Variants in PIK3C2G observed in about 807,000 individuals in gnomAD.
PIK3C2G encodes the protein phosphatidylinositol-4-phosphate 3-kinase catalytic subunit type 2 gamma.
In PIK3C2G, 168 loss-of-function variants were observed where a neutral mutation model predicts 181.1. That is an observed-to-expected ratio of 0.93 (90% CI 0.82 to 1.05). The LOEUF is 1.05. PIK3C2G is among the 50% of genes least tolerant of loss of function. The pLI is 0.00. For missense variants in PIK3C2G, 1,869 were observed against 1,732.8 expected, an observed-to-expected ratio of 1.08 and a Z score of -1.40; for synonymous variants, 573 against 592.2, an observed-to-expected ratio of 0.97 and a Z score of 0.47.
chr12:18,687,018 T>C, the PIK3C2G span, among the ~76,000 whole-genome samples: 2 of 152,052 alleles, frequency 1.3e-5, no homozygotes, highest in Non-Finnish European at 2.9e-5. Flanking sequence ...GAACAAGAGA[T>C]AGATTATTAT....
intron 11 of PIK3C2G, among the ~76,000 whole-genome samples, chr12:18,362,003 G>C (rs537939619): frequency 6.6e-6 from 1 of 151,872 alleles, no homozygotes; most frequent in Non-Finnish European, 1.5e-5. Context: ...CAGTCTCCAG[G>C]CATCTAGGGT....
At chr12:18,409,232 T>G (rs954753770) in intron 16 of PIK3C2G, among the ~76,000 whole-genome samples, 2 of 152,016 alleles carry the variant, frequency 1.3e-5, no homozygotes, top group African/African-American at 4.8e-5. Flanking sequence ...AAAGGATGAG[T>G]TCATGTCCTT....
At chr12:18,369,107 A>G (rs565007234) in intron 12 of PIK3C2G, among the ~76,000 whole-genome samples, 3 of 152,210 alleles carry the variant, frequency 2.0e-5, no homozygotes, top group African/African-American at 7.2e-5. Context: ...ACTGGGAATG[A>G]CAAGGCCAGT....
intron 26 of PIK3C2G, among the ~76,000 whole-genome samples, chr12:18,546,947 C>A (rs1022360045): frequency 2.0e-5 from 3 of 151,944 alleles, no homozygotes; most frequent in African/African-American, 7.2e-5. Flanking sequence ...TATCAGACCC[C>A]AAATCTGGTC....
At chr12:18,261,467 A>G (rs1036473117), upstream of PIK3C2G, 12 of 152,114 alleles carry the variant, frequency 7.9e-5, no homozygotes, top group Admixed American at 7.9e-4. Flanking sequence ...AAAAGCTTCC[A>G]GTGGAAGCAT....
intron 25 of PIK3C2G, among the ~76,000 whole-genome samples, chr12:18,540,347 A>T (rs865924140): frequency 5.9e-5 from 9 of 151,952 alleles, no homozygotes; most frequent in Non-Finnish European, 1.0e-4. Flanking sequence ...GATATTTCAA[A>T]AATAAACCCA....
At chr12:18,504,537 C>G (rs771727506) in intron 23 of PIK3C2G, among the ~76,000 whole-genome samples, 3 of 152,146 alleles carry the variant, frequency 2.0e-5, no homozygotes, top group Non-Finnish European at 2.9e-5. Context: ...ACCTAGCCTT[C>G]ACTACATCAA....
intron 8 of PIK3C2G, among the ~76,000 whole-genome samples, chr12:18,332,559 G>C (rs1938089013): frequency 6.6e-6 from 1 of 152,070 alleles, no homozygotes. Context: ...GGGTATCCAG[G>C]TAAGATCTTG....
At position 18,271,083 on chromosome 12, in the gene PIK3C2G, T is replaced by C. The variant is rs529835879; in HGVS notation, c.-79+9506T>C. 3.3e-4 allele frequency among the ~76,000 whole-genome samples: 51 copies of C among 152,264 alleles called. 2 individuals carry two copies. The South Asian group carries it at 0.011, about 32-fold the overall frequency. ...CTAGTGGAAGCTGTTCATAGTCCCATGCCCCTCATACCAAGGAATAGGAGA... is the reference window on the plus strand; with the variant it reads ...CTAGTGGAAGCTGTTCATAGTCCCACGCCCCTCATACCAAGGAATAGGAGA... On this transcript the variant is annotated intron_variant, in intron 1 of 32. Coordinates refer to ENST00000538779, the MANE Select transcript of PIK3C2G (RefSeq NM_001288772.2).
intron 29 of PIK3C2G, among the ~76,000 whole-genome samples, chr12:18,590,122 T>G (rs1177434487): frequency 6.6e-6 from 1 of 151,738 alleles, no homozygotes; most frequent in East Asian, 1.9e-4. Flanking sequence ...TCAGAGTTTT[T>G]TTTTTTTTTT....
At chr12:18,370,734 T>C (rs1941992874) in intron 12 of PIK3C2G, among the ~76,000 whole-genome samples, 1 of 152,140 alleles carries the variant, frequency 6.6e-6, no homozygotes, top group Non-Finnish European at 1.5e-5. Context: ...TAGTTGTTCA[T>C]CCATATATGC....
intron 8 of PIK3C2G, among the ~76,000 whole-genome samples, chr12:18,333,499 G>A (rs544734003): frequency 1.2e-4 from 19 of 152,006 alleles, no homozygotes; most frequent in African/African-American, 3.9e-4. Context: ...CTGTGTTCCC[G>A]TTGTTCAACT....
chr12:18,577,341 T>A (rs1946284153), intron 29 of PIK3C2G, among the ~76,000 whole-genome samples: 1 of 152,184 alleles, frequency 6.6e-6, no homozygotes, highest in Non-Finnish European at 1.5e-5. Flanking sequence ...AACATAGCTT[T>A]TGCTGTTTTT....
At chr12:18,650,716 A>ATATATC (rs1950460580), downstream of PIK3C2G, among the ~76,000 whole-genome samples, 2 of 4,732 alleles carry the variant, frequency 4.2e-4, no homozygotes, top group Non-Finnish European at 9.7e-4. Flanking sequence ...ATATATCTAT[A>ATATATC]TATATATATA....
chr12:18,313,828 ACG>A (rs1458539625), intron 5 of PIK3C2G, 132 bp from the exon 6 acceptor site: 5 of 564,082 alleles, frequency 8.9e-6, no homozygotes, highest in South Asian at 7.3e-5. Context: ...ACACACACAC[ACG>A]CACACACACG....
chr12:18,350,266 T>C (rs1940097716), intron 11 of PIK3C2G, among the ~76,000 whole-genome samples: 1 of 152,124 alleles, frequency 6.6e-6, no homozygotes, highest in Non-Finnish European at 1.5e-5. Flanking sequence ...CATATTGTTA[T>C]ATGAGGAGAT....
At chr12:18,678,776 G>A in the PIK3C2G span, among the ~76,000 whole-genome samples, 5,901 of 152,048 alleles carry the variant, frequency 0.039, 382 homozygotes, top group African/African-American at 0.14. Context: ...CCAGTTTGGG[G>A]TTATTATAAA....
chr12:18,623,029 G>A (rs1478008379), intron 31 of PIK3C2G, among the ~76,000 whole-genome samples: 1 of 151,688 alleles, frequency 6.6e-6, no homozygotes, highest in Non-Finnish European at 1.5e-5. Context: ...CTTTTGCTGT[G>A]CAGAAGCTTT....
intron 24 of PIK3C2G, among the ~76,000 whole-genome samples, chr12:18,521,733 C>T (rs1009296490): frequency 6.6e-6 from 1 of 152,224 alleles, no homozygotes; most frequent in Admixed American, 6.5e-5. Context: ...TGCCGCCTTT[C>T]CCACAAGGAC....
Sources: gnomAD v4.1 joint callset for allele counts (sites outside exome capture counted in the v4.1 genomes callset) on GRCh38, gnomAD v4.1.1 for gene constraint, MANE v1.5 for transcripts, NCBI Gene and HGNC (gene_info 2026-07-23, HGNC 2026-07-21) for gene names.